The following RALYL variants were observed in gnomAD, a reference collection of about 807,000 sequenced individuals.
RALYL encodes RALY RNA binding protein like.
In RALYL, 29 loss-of-function variants were observed where a neutral mutation model predicts 35.1. The observed-to-expected ratio is 0.83, with a 90% CI of 0.61 to 1.13. The LOEUF (loss-of-function observed/expected upper bound fraction) is 1.13, where lower values mean the gene tolerates loss of function less well. Ranked by LOEUF, RALYL falls within the 50% of genes most tolerant of loss-of-function variation. The pLI, the probability that RALYL is intolerant of heterozygous loss-of-function variation, is 0.00. For missense variants in RALYL, 359 were observed against 360.4 expected (o/e 1.00, Z 0.03); for synonymous variants, 120 against 127.6 (o/e 0.94, Z 0.40).
chr8:84,223,675 A>C (rs1388497486), intron 1 of RALYL, among the ~76,000 whole-genome samples: 2 of 152,202 alleles, frequency 1.3e-5, no homozygotes, highest in African/African-American at 4.8e-5. Flanking sequence ...GGTTGTAATC[A>C]TGGGATTCTG....
intron 2 of RALYL, among the ~76,000 whole-genome samples, chr8:84,661,606 G>A (rs1320404089): frequency 9.6e-5 from 14 of 145,700 alleles, no homozygotes; most frequent in East Asian, 4.0e-4. Context: ...TTTTTTTTTC[G>A]TGCTACATTT....
chr8:84,340,784 G>T (rs191498959), intron 1 of RALYL, among the ~76,000 whole-genome samples: 83 of 152,158 alleles, frequency 5.5e-4, no homozygotes, highest in African/African-American at 2.0e-3. Context: ...GCATGGGAGT[G>T]CAGATATCTC....
intron 1 of RALYL, among the ~76,000 whole-genome samples, chr8:84,408,610 A>G (rs1303049782): frequency 6.6e-6 from 1 of 152,182 alleles, no homozygotes; most frequent in Non-Finnish European, 1.5e-5. Flanking sequence ...GTAGTCATTC[A>G]AGAACCCAGG....
At chr8:84,524,667 T>A (rs1182213208) in intron 1 of RALYL, among the ~76,000 whole-genome samples, 2 of 152,108 alleles carry the variant, frequency 1.3e-5, no homozygotes, top group Non-Finnish European at 2.9e-5. Context: ...TTATAATAAA[T>A]GTATCATATA....
intron 2 of RALYL, among the ~76,000 whole-genome samples, chr8:84,716,801 T>G (rs1231842393): frequency 6.6e-6 from 1 of 152,176 alleles, no homozygotes; most frequent in African/African-American, 2.4e-5. Flanking sequence ...ACATAAAAAT[T>G]TATTTGATTT....
intron 1 of RALYL, among the ~76,000 whole-genome samples, chr8:84,368,826 C>T (rs112874119): frequency 6.6e-6 from 1 of 152,044 alleles, no homozygotes; most frequent in Non-Finnish European, 1.5e-5. Context: ...ACAACCAAAC[C>T]ATATCAGTCA....
chr8:84,821,459 G>A (rs1828509026), intron 4 of RALYL, among the ~76,000 whole-genome samples: 2 of 152,146 alleles, frequency 1.3e-5, no homozygotes, highest in Non-Finnish European at 2.9e-5. Context: ...GCACTTGAAT[G>A]TCTAAATAAT....
chr8:84,843,694 A>G (rs1307356407), intron 4 of RALYL, among the ~76,000 whole-genome samples: 2 of 152,250 alleles, frequency 1.3e-5, no homozygotes, highest in African/African-American at 4.8e-5. Context: ...AGCTGGAGGC[A>G]TCACACTACC....
chr8:84,200,382 T>C (rs1451515469), intron 1 of RALYL, among the ~76,000 whole-genome samples: 1 of 152,142 alleles, frequency 6.6e-6, no homozygotes. Flanking sequence ...AAATAGAGTT[T>C]CACAAATGTA....
At chr8:84,355,472 T>C (rs2131152382) in intron 1 of RALYL, among the ~76,000 whole-genome samples, 1 of 150,692 alleles carries the variant, frequency 6.6e-6, no homozygotes, top group East Asian at 1.9e-4. Flanking sequence ...GGAGACAACA[T>C]AGCTCATGCA....
intron 1 of RALYL, among the ~76,000 whole-genome samples, chr8:84,336,276 G>T (rs543878949): frequency 6.6e-6 from 1 of 152,016 alleles, no homozygotes; most frequent in African/African-American, 2.4e-5. Flanking sequence ...GAGCTGAGAC[G>T]GTTTTTCACT....
intron 1 of RALYL, among the ~76,000 whole-genome samples, chr8:84,425,371 G>A (rs1048351484): frequency 7.2e-5 from 11 of 152,258 alleles, no homozygotes; most frequent in African/African-American, 1.2e-4. Flanking sequence ...GACCCCTTGC[G>A]CTTCCCAGGT....
At chr8:84,443,280 T>A (rs2048520391) in intron 1 of RALYL, among the ~76,000 whole-genome samples, 1 of 152,078 alleles carries the variant, frequency 6.6e-6, no homozygotes. Flanking sequence ...GGAAATAACG[T>A]CTCAAAGAGT....
chr8:84,245,704 C>G (rs1382983387), intron 1 of RALYL, among the ~76,000 whole-genome samples: 4 of 151,988 alleles, frequency 2.6e-5, no homozygotes, highest in Admixed American at 6.6e-5. Flanking sequence ...AAACTTCTAG[C>G]CTGGAGAAGG....
intron 2 of RALYL, among the ~76,000 whole-genome samples, chr8:84,571,970 A>G (rs1808110777): frequency 6.6e-6 from 1 of 151,862 alleles, no homozygotes; most frequent in Non-Finnish European, 1.5e-5. Context: ...CTGTAGTCTG[A>G]GAAGACATTT....
intron 1 of RALYL, among the ~76,000 whole-genome samples, chr8:84,252,132 C>T (rs141712168): frequency 0.016 from 2,394 of 152,000 alleles, 28 homozygotes; most frequent in South Asian, 0.027. Flanking sequence ...ATCTTTGAGT[C>T]CAAAATTTTT....
intron 2 of RALYL, among the ~76,000 whole-genome samples, chr8:84,534,545 T>A (rs1187987783): frequency 6.6e-6 from 1 of 152,210 alleles, no homozygotes; most frequent in Non-Finnish European, 1.5e-5. Flanking sequence ...CCTAACAAAA[T>A]GCTAACACTT....
At chr8:84,777,950 G>A (rs1194190888) in intron 3 of RALYL, among the ~76,000 whole-genome samples, 6 of 152,022 alleles carry the variant, frequency 3.9e-5, no homozygotes, top group Non-Finnish European at 7.4e-5. Flanking sequence ...TTCTGAGTCT[G>A]TTTTCTTATC....
At chr8:84,659,399 C>T (rs2131630553) in intron 2 of RALYL, among the ~76,000 whole-genome samples, 1 of 152,066 alleles carries the variant, frequency 6.6e-6, no homozygotes, top group African/African-American at 2.4e-5. Context: ...CCATTGTACC[C>T]CTCCCTGGAT....
Sources: allele counts gnomAD v4.1 joint callset (sites outside exome capture counted in the v4.1 genomes callset), GRCh38; gene constraint gnomAD v4.1.1; transcripts MANE v1.5; gene names NCBI Gene and HGNC (gene_info 2026-07-23, HGNC 2026-07-21).